The following IRS4 variants were observed in gnomAD, a reference collection of about 807,000 sequenced individuals.
The protein encoded by IRS4 is 160 kDa phosphotyrosine protein.
Under a neutral mutation model 48.6 loss-of-function variants are expected in IRS4, and 15 were observed. The observed-to-expected ratio is 0.31, with a 90% confidence interval of 0.21 to 0.48. The LOEUF is 0.48. Among genes scored for constraint, IRS4 ranks in the 20% least tolerant of loss-of-function variants. The pLI is 0.99. For missense variants in IRS4, 987 were observed against 1,023.4 expected, an observed-to-expected ratio of 0.96 and a Z score of 0.49; for synonymous variants, 459 against 413.2, an observed-to-expected ratio of 1.11 and a Z score of -1.34.
Position 108,734,940 on chromosome X carries a change from C to T in IRS4, c.1405G>A (p.Gly469Arg), listed in dbSNP as rs2068936724. The change falls in exon 1 of 2, where the codon GGG (glycine) becomes AGG (arginine). Residue 469 changes from glycine to arginine, a missense_variant. Around this residue, in one of 4 missense-constraint regions of IRS4, gnomAD observed 720 missense variants for 660.3 expected, o/e 1.09. Coordinates refer to ENST00000372129, the MANE Select transcript of IRS4 (RefSeq NM_001379150.1). The stretch of plus-strand genomic sequence containing the variant: ...TTGCCCTGGGGATTGCCTTCCTCCC[C>T]AAAGTTGCCAGAGCCAGAACCAGAC... ...EVSGSGSGNF[G>R]EEGNPQGKED... is the part of the protein sequence containing the mutation. 8.3e-7 allele frequency: 1 copy of T among 1,212,009 alleles called. No individual in the cohort carries two copies. The highest frequency in any genetic ancestry group is 1.1e-6 in the Non-Finnish European group (1 of 895,627).
rs769330779 is a variant in IRS4, at chrX:108,734,076, T to G, written c.2269A>C (p.Ser757Arg). The G allele has an allele frequency of 6.6e-6, 8 of 1,209,929 alleles. No homozygotes were observed. Among genetic ancestry groups the G allele is most frequent in the Non-Finnish European group, 8.9e-6 (8 of 895,257 alleles). ...FPRVSPPPAPSPPKAPDTNKE... is the reference protein window; with the variant it reads ...FPRVSPPPAPRPPKAPDTNKE... ...TTAGTATCAGGTGCTTTTGGAGGAC[T>G]CGGAGCAGGTGGTGGGCTCACTCTG... The change falls in exon 1 of 2, where the codon AGT becomes CGT. Residue 757 changes from serine (S) to arginine (R), a missense_variant. By Grantham distance (110) the Ser-to-Arg change is moderately radical. Around this residue, in one of 4 missense-constraint regions of IRS4, gnomAD observed 720 missense variants for 660.3 expected, o/e 1.09. Coordinates refer to ENST00000372129, the MANE Select transcript of IRS4 (RefSeq NM_001379150.1).
In IRS4 at chrX:108,720,111, G is replaced by A. The variant is rs759020950; in HGVS notation, c.*2408C>T. The A allele has an allele frequency of 8.9e-5, 10 of 111,837 alleles. No homozygotes were observed. The highest frequency in any genetic ancestry group is 1.5e-4 in the Non-Finnish European group (8 of 53,189). 9.2% of individuals were successfully genotyped at this position (111,837 alleles called of 1,213,427 possible). On this transcript the variant is annotated 3_prime_UTR_variant, in exon 2 of 2. Coordinates refer to ENST00000372129, the MANE Select transcript of IRS4 (RefSeq NM_001379150.1). ...AGAAAGTACAAGAGTATTTACAAAG[G>A]AAGACAAAGCCAAAGCAACTCAAAG...
intron 1 of IRS4, chrX:108,726,927 A>G (rs1043071662): frequency 1.8e-5 from 2 of 112,184 alleles, no homozygotes; most frequent in African/African-American, 6.5e-5. Context: ...TTGCCTCTGC[A>G]AGCTAAGTGC....
rs765297898 is a variant in IRS4, at chrX:108,732,794, C to T, written c.3551G>A (p.Gly1184Asp). 11 of 1,193,299 alleles carry T rather than the reference C, an allele frequency of 9.2e-6. No homozygotes were observed. Among genetic ancestry groups the T allele is most frequent in the Admixed American group, 6.7e-5 (3 of 44,483 alleles). Residue 1184 changes from glycine (G) to aspartate (D), a missense_variant, in exon 1 of 2, where the codon GGC (glycine) becomes GAC (aspartate). Physicochemically the swap from Gly to Asp is moderately conservative, Grantham distance 94. This residue lies in a region of IRS4 where 720 missense variants were observed against 660.3 expected (regional missense o/e 1.09). Coordinates refer to ENST00000372129, the MANE Select transcript of IRS4 (RefSeq NM_001379150.1). ...AVRGAQDVAGGSNPGAHNPSA... is the reference protein window; with the variant it reads ...AVRGAQDVAGDSNPGAHNPSA... ...TGGGTTGTGGGCTCCAGGGTTCGAG[C>T]CACCGGCAACGTCTTGGGCTCCCCT...
At chrX:108,729,841 A>G (rs746467350) in intron 1 of IRS4, among the ~76,000 whole-genome samples, 50 of 112,285 alleles carry the variant, frequency 4.5e-4, no homozygotes, top group African/African-American at 1.5e-3. Flanking sequence ...AAGTATTTTA[A>G]ATGCAAGTAA....
rs1207166377 is a variant in IRS4, at chrX:108,732,968, G to T, written c.3377C>A (p.Pro1126Gln). ...TACAACTTGGCTGAGGGCTAAAGTC[G>T]GCTCTGCAGCCGAAGCGACAGCCGG... ...SAPAVASAAE[P>Q]TLALSQVVAA... The change falls in exon 1 of 2, where the codon CCG (proline) becomes CAG (glutamine). Residue 1126 changes from proline to glutamine, a missense_variant. Pro to Gln is a moderately conservative substitution (Grantham distance 76, BLOSUM62 -1). Around this residue, in one of 4 missense-constraint regions of IRS4, gnomAD observed 720 missense variants for 660.3 expected, o/e 1.09. Coordinates refer to ENST00000372129, the MANE Select transcript of IRS4 (RefSeq NM_001379150.1). 1 of 1,201,067 alleles carries T rather than the reference G, an allele frequency of 8.3e-7. No individual in the cohort carries two copies. The highest frequency in any genetic ancestry group is 3.0e-5 in the East Asian group (1 of 33,567).
At position 108,736,313 on chromosome X, in the gene IRS4, G is replaced by A; in HGVS notation, c.32C>T (p.Ala11Val). ...TGCTGCACCTCTTAGTCTTCTTGTC[G>A]CTTGGTCGCGAGTGAAGGAGCAACT... is the stretch of plus-strand genomic sequence containing the variant. MASCSFTRDQ[A>V]TRRLRGAAAA... Residue 11 changes from alanine to valine, a missense_variant, in exon 1 of 2, where the codon GCG becomes GTG. Around this residue, in one of 4 missense-constraint regions of IRS4, gnomAD observed 173 missense variants for 208.9 expected, o/e 0.83. Transcript: ENST00000372129. The A allele has an allele frequency of 8.3e-7, 1 of 1,211,310 alleles. No homozygotes were observed. The highest frequency in any genetic ancestry group is 1.7e-5 in the African/African-American group (1 of 57,777).
In IRS4 at chrX:108,733,941, A is replaced by C. The variant is rs768964193; in HGVS notation, c.2404T>G (p.Ser802Ala). 4.1e-6 allele frequency: 5 copies of C among 1,211,859 alleles called. No homozygotes were observed. The highest frequency in any genetic ancestry group is 5.6e-6 in the Non-Finnish European group (5 of 895,538). Residue 802 changes from serine (S) to alanine (A), a missense_variant, in exon 1 of 2, where the codon TCC becomes GCC. Around this residue, in one of 4 missense-constraint regions of IRS4, gnomAD observed 720 missense variants for 660.3 expected, o/e 1.09. Transcript: ENST00000372129. Reference protein sequence around the residue: ...NPRNPQGGSSSKSWSSYFSLP... With the variant: ...NPRNPQGGSSAKSWSSYFSLP... ...GAGAAGTAGGAGCTCCAACTTTTGG[A>C]GGAAGAGCCACCCTGAGGATTTCTG... is the stretch of plus-strand genomic sequence containing the variant.
chrX:108,722,588 C>T (rs1400865666), intron 1 of IRS4, 65 bp from the exon 2 acceptor site: 3 of 299,875 alleles, frequency 1.0e-5, no homozygotes, highest in Admixed American at 7.5e-5. Flanking sequence ...TCACCCCCAC[C>T]CTGTTTTAAA....
Position 108,732,807 on chromosome X carries a change from C to G in IRS4, c.3538G>C (p.Asp1180His). The change falls in exon 1 of 2, where the codon GAC becomes CAC. Residue 1180 changes from aspartate (D) to histidine (H), a missense_variant. Physicochemically the swap from Asp to His is moderately conservative, Grantham distance 81. Transcript: ENST00000372129. Reference sequence around the variant, plus strand: ...CCAGGGTTCGAGCCACCGGCAACGTCTTGGGCTCCCCTTACTGCTTCGGCA... The same window carrying G: ...CCAGGGTTCGAGCCACCGGCAACGTGTTGGGCTCCCCTTACTGCTTCGGCA... Reference protein sequence around the residue: ...ADAEAVRGAQDVAGGSNPGAH... With the variant: ...ADAEAVRGAQHVAGGSNPGAH... The G allele has an allele frequency of 8.4e-7, 1 of 1,190,066 alleles. No individual in the cohort carries two copies. Among genetic ancestry groups the G allele is most frequent in the Non-Finnish European group, 1.1e-6 (1 of 883,285 alleles).
Position 108,735,325 on chromosome X carries a change from G to A in IRS4, c.1020C>T (p.Cys340=), listed in dbSNP as rs1374862247. Residue 340 remains cysteine (C), a synonymous_variant, in exon 1 of 2, where the codon TGC becomes TGT. Transcript: ENST00000372129. ...CGCCGATGCTGATGCTGTAGCTGCG[G>A]CAGCGGGCTCTGTATTCGTCTGCAC... ...ALCADEYRAR[C]RSYSISIGAH... 1 of 1,211,647 alleles carries A rather than the reference G, an allele frequency of 8.3e-7. No individual in the cohort carries two copies. The highest frequency in any genetic ancestry group is 2.2e-5 in the Admixed American group (1 of 46,075).
intron 1 of IRS4, among the ~76,000 whole-genome samples, chrX:108,730,397 C>G (rs1329304249): frequency 3.1e-5 from 3 of 95,973 alleles, no homozygotes; most frequent in Non-Finnish European, 6.0e-5. Flanking sequence ...GTGCAGGAAT[C>G]ACCCTCAAGA....
At chrX:108,725,460 C>CAAAAAAAAAAAAAAAAAAAAAA (rs397968164) in intron 1 of IRS4, among the ~76,000 whole-genome samples, 1 of 59,844 alleles carries the variant, frequency 1.7e-5, no homozygotes, top group African/African-American at 7.3e-5. Flanking sequence ...AGTAAAGCAC[C>CAAAAAAAAAAAAAAAAAAAAAA]AAAAAAAAAA....
intron 1 of IRS4, among the ~76,000 whole-genome samples, chrX:108,725,345 A>C (rs1310836016): frequency 2.8e-5 from 3 of 108,831 alleles, no homozygotes; most frequent in Non-Finnish European, 5.7e-5. Context: ...GGAGCTCAAA[A>C]ATGTTTTTCA....
At chrX:108,723,489 C>A (rs2068863045) in intron 1 of IRS4, 1 of 111,923 alleles carries the variant, frequency 8.9e-6, no homozygotes, top group African/African-American at 3.3e-5. Flanking sequence ...AAATTTGCAG[C>A]TGGATGAAGC....
chrX:108,730,908 C>A, intron 1 of IRS4, among the ~76,000 whole-genome samples: 1 of 111,906 alleles, frequency 8.9e-6, no homozygotes, highest in East Asian at 2.8e-4. Context: ...AGATTGAGAT[C>A]AATTTTCAGG....
At chrX:108,728,412 A>G (rs2068884614) in intron 1 of IRS4, among the ~76,000 whole-genome samples, 1 of 112,266 alleles carries the variant, frequency 8.9e-6, no homozygotes, top group Non-Finnish European at 1.9e-5. Flanking sequence ...ATAATCTGTC[A>G]CCAGTGGGAA....
chrX:108,722,726 A>C (rs1460975870), intron 1 of IRS4: 3 of 221,338 alleles, frequency 1.4e-5, no homozygotes, highest in Non-Finnish European at 2.6e-5. Context: ...AGCTGGGCAA[A>C]GACACAAGGG....
Position 108,720,202 on chromosome X carries a change from C to T in IRS4, c.*2317G>A, listed in dbSNP as rs1045838160. 7 of 112,181 alleles carry T rather than the reference C, an allele frequency of 6.2e-5. No individual in the cohort carries two copies. The highest frequency in any genetic ancestry group is 4.6e-3 in the Middle Eastern group (1 of 217). 9.2% of individuals were successfully genotyped at this position (112,181 alleles called of 1,213,427 possible). ...GGAACTGTAAAGTTTCAGTTTTTAA[C>T]GACCAAGTGACTATGCCTGATATCA... On this transcript the variant is annotated 3_prime_UTR_variant, in exon 2 of 2. Transcript: ENST00000372129.
Sources: gnomAD v4.1 joint callset for allele counts (sites outside exome capture counted in the v4.1 genomes callset) on GRCh38, gnomAD v4.1.1 for gene constraint, gnomAD v4.1.1 regional missense constraint, MANE v1.5 for transcripts, NCBI Gene and HGNC (gene_info 2026-07-23, HGNC 2026-07-21) for gene names.